The following FCF1 variants were observed in gnomAD, a reference collection of about 807,000 sequenced individuals.
FCF1 encodes the protein rRNA-processing protein FCF1 homolog.
FCF1 carries 17 observed loss-of-function variants against 32.5 expected under a neutral mutation model. The observed-to-expected ratio is 0.52, with a 90% CI of 0.36 to 0.78. FCF1 has a LOEUF of 0.78. Among genes scored for constraint, FCF1 ranks in the 30% least tolerant of loss-of-function variants. The pLI is 0.00. For synonymous variants in FCF1, 84 were observed against 78.4 expected (o/e 1.07, Z -0.38); for missense variants, 201 against 241.1 (o/e 0.83, Z 1.10).
At chr14:74,717,270 C>A (rs2090433756) in intron 4 of FCF1, among the ~76,000 whole-genome samples, 1 of 151,830 alleles carries the variant, frequency 6.6e-6, no homozygotes, top group Admixed American at 6.6e-5. Flanking sequence ...GCAGGAGAAT[C>A]GCTGGAACCT....
At chr14:74,717,877 G>A (rs2090442614) in intron 4 of FCF1, among the ~76,000 whole-genome samples, 1 of 152,024 alleles carries the variant, frequency 6.6e-6, no homozygotes, top group African/African-American at 2.4e-5. Flanking sequence ...CTTTAAATAT[G>A]TATACTTTTT....
chr14:74,715,704 T>C, intron 3 of FCF1: 1 of 711,426 alleles, frequency 1.4e-6, no homozygotes, highest in Non-Finnish European at 2.3e-6. Flanking sequence ...GATTGGATAA[T>C]TGCTTTTTTT....
intron 4 of FCF1, among the ~76,000 whole-genome samples, chr14:74,718,246 G>C (rs1023389401): frequency 1.8e-4 from 28 of 152,080 alleles, no homozygotes; most frequent in African/African-American, 6.8e-4. Context: ...ATGGTTCCTG[G>C]TCTCTTCTAT....
intron 5 of FCF1, among the ~76,000 whole-genome samples, chr14:74,725,992 A>G (rs1375798429): frequency 6.6e-6 from 1 of 150,488 alleles, no homozygotes; most frequent in African/African-American, 2.4e-5. Flanking sequence ...TACGGAGTTC[A>G]AGGTTGCAGT....
At position 74,725,717 on chromosome 14, in the gene FCF1, G is replaced by A. The variant is rs868836425; in HGVS notation, c.365+2373G>A. Among the ~76,000 whole-genome samples, 101 of 151,736 alleles carry A rather than the reference G, an allele frequency of 6.7e-4. 1 individual carries two copies. Among genetic ancestry groups the A allele is most frequent in the African/African-American group, 2.3e-3 (94 of 41,424 alleles). ...TGGGAGGCCGAGGCGGGTGGATCAC[G>A]AGGTCAGGAGATCGAGACCATCCTG... On this transcript the variant is annotated intron_variant, in intron 5 of 7. Coordinates refer to ENST00000341162, the MANE Select transcript of FCF1 (RefSeq NM_015962.5).
chr14:74,727,605 A>G (rs1247720850), intron 5 of FCF1, among the ~76,000 whole-genome samples: 1 of 151,292 alleles, frequency 6.6e-6, no homozygotes, highest in East Asian at 1.9e-4. Context: ...GAAGCTCTTG[A>G]GTTTAATTAG....
At chr14:74,714,776 A>AT in intron 2 of FCF1, 96 bp from the exon 3 acceptor site, 1 of 1,342,308 alleles carries the variant, frequency 7.4e-7, no homozygotes, top group South Asian at 1.4e-5. Flanking sequence ...TCTTCAGTAG[A>AT]CCAAAAAAAA....
chr14:74,726,758 C>T (rs2090582576), intron 5 of FCF1, among the ~76,000 whole-genome samples: 1 of 150,044 alleles, frequency 6.7e-6, no homozygotes, highest in Admixed American at 6.7e-5. Flanking sequence ...CCTCCCTCCT[C>T]CCCCCACCCC....
At chr14:74,715,924 T>C in intron 3 of FCF1, 27 bp from the exon 4 acceptor site, 1 of 1,612,012 alleles carries the variant, frequency 6.2e-7, no homozygotes, top group Non-Finnish European at 8.5e-7. Flanking sequence ...TAAATTTTTC[T>C]TTGTTCTTGT....
chr14:74,732,843 C>A, intron 6 of FCF1, 25 bp downstream of exon 6: 1 of 1,390,260 alleles, frequency 7.2e-7, no homozygotes, highest in Non-Finnish European at 1.0e-6. Context: ...TAACTGTTTA[C>A]TTTGTGCTTA....
In FCF1 at chr14:74,715,967, T is replaced by C; in HGVS notation, c.160T>C (p.Cys54Arg). 6.2e-7 allele frequency: 1 copy of C among 1,613,920 alleles called. No homozygotes were observed. The highest frequency in any genetic ancestry group is 8.5e-7 in the Non-Finnish European group (1 of 1,179,864). The change falls in exon 4 of 8, where the codon TGC becomes CGC. Residue 54 changes from cysteine (C) to arginine (R), a missense_variant. By Grantham distance (180) the Cys-to-Arg change is radical (BLOSUM62 -3). Around this residue, in one of 3 missense-constraint regions of FCF1, gnomAD observed 76 missense variants for 75.0 expected, o/e 1.01. Coordinates refer to ENST00000341162, the MANE Select transcript of FCF1 (RefSeq NM_015962.5). ...KEREVPQHPS[C>R]LFFQYNTQLG... ...TTCCTTCAGTCCCCAACACCCTTCC[T>C]GCTTATTTTTCCAATATAATACACA...
In FCF1 at chr14:74,735,356, G is replaced by C. The variant is rs973012760; in HGVS notation, c.*426G>C. 6.5e-6 allele frequency: 1 copy of C among 153,016 alleles called. No homozygotes were observed. Among genetic ancestry groups the C allele is most frequent in the African/African-American group, 2.4e-5 (1 of 41,434 alleles). 9.5% of individuals were successfully genotyped at this position (153,016 alleles called of 1,614,324 possible). ...TGCCTGGGAAAGGAGGAGAGATAAG[G>C]CTCACTAGCCACAGAAAAACAGGCA... On this transcript the variant is annotated 3_prime_UTR_variant, in exon 8 of 8. Coordinates refer to ENST00000341162, the MANE Select transcript of FCF1 (RefSeq NM_015962.5).
intron 5 of FCF1, among the ~76,000 whole-genome samples, chr14:74,727,582 C>A (rs2090590967): frequency 6.6e-6 from 1 of 150,970 alleles, no homozygotes; most frequent in African/African-American, 2.4e-5. Context: ...ATGGTAGTTT[C>A]TTTTGCTGTG....
chr14:74,714,917 T>A lies in FCF1; in HGVS notation c.117T>A (p.Asp39Glu), dbSNP rs1258007115. Residue 39 changes from aspartate (D) to glutamate (E), a missense_variant, in exon 3 of 8, where the codon GAT (aspartate) becomes GAA (glutamate). Asp to Glu is a conservative substitution (Grantham distance 45). This residue lies in a region of FCF1 where 76 missense variants were observed against 75.0 expected (regional missense o/e 1.01). Coordinates refer to ENST00000341162, the MANE Select transcript of FCF1 (RefSeq NM_015962.5). ...AACCTAAAAAGAAAGAAAAGAAGGATCCCAGCGCATTAAAGGAAAGAGAAG... is the reference window on the plus strand; with the variant it reads ...AACCTAAAAAGAAAGAAAAGAAGGAACCCAGCGCATTAAAGGAAAGAGAAG... ...RLKPKKKEKK[D>E]PSALKEREVP... 3.1e-6 allele frequency: 5 copies of A among 1,597,716 alleles called. No individual in the cohort carries two copies. The highest frequency in any genetic ancestry group is 3.4e-6 in the Non-Finnish European group (4 of 1,174,656).
Position 74,732,814 on chromosome 14 carries a change from C to T in FCF1, c.449C>T (p.Thr150Ile). 1 of 1,583,074 alleles carries T rather than the reference C, an allele frequency of 6.3e-7. No individual in the cohort carries two copies. The highest frequency in any genetic ancestry group is 8.7e-7 in the Non-Finnish European group (1 of 1,153,812). ...GATGACTGCTTAGTACAGAGAGTAA[C>T]TCAGGTATTATCAGTTCATAACTGT... is the stretch of plus-strand genomic sequence containing the variant. ...YADDCLVQRV[T>I]QHKCYIVATV... The change falls in exon 6 of 8, where the codon ACT becomes ATT. Residue 150 changes from threonine to isoleucine, a missense_variant. Thr to Ile is a moderately conservative substitution (Grantham distance 89). Transcript: ENST00000341162.
intron 3 of FCF1, 125 bp downstream of exon 3, chr14:74,715,068 C>A: frequency 2.1e-6 from 2 of 941,492 alleles, no homozygotes; most frequent in South Asian, 3.9e-5. Context: ...AGATGAAAGT[C>A]ATATCGATGA....
intron 5 of FCF1, among the ~76,000 whole-genome samples, chr14:74,726,791 G>T (rs1290576793): frequency 6.8e-6 from 1 of 146,436 alleles, no homozygotes; most frequent in Non-Finnish European, 1.5e-5. Flanking sequence ...AGAGTGTGAT[G>T]TTCCCCTTCC....
intron 2 of FCF1, 65 bp from the exon 3 acceptor site, chr14:74,714,807 T>A: frequency 6.7e-7 from 1 of 1,501,056 alleles, no homozygotes; most frequent in Admixed American, 2.8e-5. Context: ...AACTTTAGAT[T>A]TTTGAGATTT....
At chr14:74,715,798 T>G (rs1253623039) in intron 3 of FCF1, 153 bp from the exon 4 acceptor site, 1 of 1,556,306 alleles carries the variant, frequency 6.4e-7, no homozygotes, top group Admixed American at 1.9e-5. Flanking sequence ...TGATATTACT[T>G]TCTTCCTTGC....
Sources: gnomAD v4.1 joint callset for allele counts (sites outside exome capture counted in the v4.1 genomes callset) on GRCh38, gnomAD v4.1.1 for gene constraint, gnomAD v4.1.1 regional missense constraint, MANE v1.5 for transcripts, NCBI Gene and HGNC (gene_info 2026-07-23, HGNC 2026-07-21) for gene names.